Variants in CHRM1 observed in about 807,000 individuals in gnomAD.
CHRM1 encodes muscarinic acetylcholine receptor M1.
A neutral mutation model predicts 31.6 loss-of-function variants in CHRM1; 5 were observed. That is an observed-to-expected ratio of 0.16 (90% CI 0.08 to 0.33). The LOEUF (loss-of-function observed/expected upper bound fraction) is 0.33. Among genes scored for constraint, CHRM1 ranks in the 10% least tolerant of loss-of-function variants. The pLI is 1.00. For synonymous variants in CHRM1, 227 were observed against 249.7 expected, an observed-to-expected ratio of 0.91 and a Z score of 0.86; for missense variants, 338 against 610.3, an observed-to-expected ratio of 0.55 and a Z score of 4.70.
At chr11:62,916,191 C>T (rs756451411) in intron 1 of CHRM1, among the ~76,000 whole-genome samples, 1 of 152,194 alleles carries the variant, frequency 6.6e-6, no homozygotes, top group Non-Finnish European at 1.5e-5. Context: ...ACCCCAGGCA[C>T]GACCCTACTC....
intron 1 of CHRM1, among the ~76,000 whole-genome samples, chr11:62,914,379 C>T (rs561401308): frequency 6.6e-6 from 1 of 152,208 alleles, no homozygotes; most frequent in East Asian, 1.9e-4. Flanking sequence ...TTACAAAAAC[C>T]GAAGGCCAGC....
rs547016948 is a variant in CHRM1, at chr11:62,909,847, G to A, written c.1254C>T (p.Tyr418=). 2.4e-5 allele frequency: 39 copies of A among 1,614,150 alleles called. 1 individual carries two copies. Among genetic ancestry groups the A allele is most frequent in the Middle Eastern group, 1.6e-4 (1 of 6,084 alleles). Residue 418 remains tyrosine, a synonymous_variant, in exon 2 of 2, where the codon TAC becomes TAT. Transcript: ENST00000306960. ...YVNSTINPMC[Y]ALCNKAFRDT... ...CCCGGAAGGCTTTGTTGCAGAGTGCGTAGCACATGGGGTTGATGGTGCTGT... is the reference window on the plus strand; with the variant it reads ...CCCGGAAGGCTTTGTTGCAGAGTGCATAGCACATGGGGTTGATGGTGCTGT...
At chr11:62,911,510 T>C in intron 1 of CHRM1, among the ~76,000 whole-genome samples, 1 of 152,250 alleles carries the variant, frequency 6.6e-6, no homozygotes, top group East Asian at 1.9e-4. Flanking sequence ...AAACTCACTT[T>C]GTATACAGTC....
chr11:62,912,154 G>A (rs2085874483), intron 1 of CHRM1, among the ~76,000 whole-genome samples: 1 of 151,844 alleles, frequency 6.6e-6, no homozygotes, highest in Non-Finnish European at 1.5e-5. Flanking sequence ...GGATCATGAG[G>A]TCAGGAGATC....
chr11:62,910,154 T>C lies in CHRM1; in HGVS notation c.947A>G (p.Lys316Arg), dbSNP rs2085861161. The change falls in exon 2 of 2, where the codon AAG (lysine) becomes AGG (arginine). Residue 316 changes from lysine to arginine, a missense_variant. Lys to Arg is a conservative substitution (Grantham distance 26, BLOSUM62 2). Coordinates refer to ENST00000306960, the MANE Select transcript of CHRM1 (RefSeq NM_000738.3). This position sits in a 1 kb window ranked among gnomAD's most constrained non-coding sequence, Gnocchi z 8.7. ...ATTTGGGGAGCTCCGTGGGGGCTGCTTGGTGGGGGCCTGTGCCTCGGGGTC... is the reference window on the plus strand; with the variant it reads ...ATTTGGGGAGCTCCGTGGGGGCTGCCTGGTGGGGGCCTGTGCCTCGGGGTC... ...MVDPEAQAPT[K>R]QPPRSSPNTV... The C allele has an allele frequency of 6.2e-7, 1 of 1,606,220 alleles. No homozygotes were observed. Among genetic ancestry groups the C allele is most frequent in the African/African-American group, 1.3e-5 (1 of 74,696 alleles).
At chr11:62,915,871 G>A (rs2085897749) in intron 1 of CHRM1, among the ~76,000 whole-genome samples, 1 of 152,164 alleles carries the variant, frequency 6.6e-6, no homozygotes, top group Non-Finnish European at 1.5e-5. Context: ...GTGTAGTGAT[G>A]TGATTTCAGC....
intron 1 of CHRM1, among the ~76,000 whole-genome samples, chr11:62,912,769 C>T (rs2085878736): frequency 6.6e-6 from 1 of 152,226 alleles, no homozygotes; most frequent in African/African-American, 2.4e-5. Context: ...CTCAGGCATC[C>T]ATCTGACCAT....
intron 1 of CHRM1, among the ~76,000 whole-genome samples, chr11:62,913,032 C>T (rs1420354220): frequency 6.6e-6 from 1 of 152,154 alleles, no homozygotes; most frequent in Admixed American, 6.5e-5. Flanking sequence ...ACAGAATGAG[C>T]AAGGACTGTG....
intron 1 of CHRM1, among the ~76,000 whole-genome samples, chr11:62,919,496 C>A (rs775002726): frequency 1.3e-5 from 2 of 152,214 alleles, no homozygotes; most frequent in Non-Finnish European, 2.9e-5. Context: ...GGACCCTAGA[C>A]CTCACTCTGC....
chr11:62,910,229 G>T lies in CHRM1; in HGVS notation c.872C>A (p.Ser291Ter). ...DEGSMESLTSSEGEEPGSEVV... is the reference protein window; with the variant it reads ...DEGSMESLTS ...TTCGGAGCCAGGCTCCTCTCCCTCTGAGGATGTGAGGGACTCCATGGAGCC... is the reference window on the plus strand; with the variant it reads ...TTCGGAGCCAGGCTCCTCTCCCTCTTAGGATGTGAGGGACTCCATGGAGCC... Residue 291 changes from serine to a stop codon, truncating the protein, a stop_gained, in exon 2 of 2, where the codon TCA becomes TAA. Transcript: ENST00000306960. LOFTEE classifies it high-confidence loss of function. This position sits in a 1 kb window ranked among gnomAD's most constrained non-coding sequence, Gnocchi z 8.7. The T allele has an allele frequency of 6.2e-7, 1 of 1,611,174 alleles. No individual in the cohort carries two copies. Among genetic ancestry groups the T allele is most frequent in the Non-Finnish European group, 8.5e-7 (1 of 1,178,882 alleles).
chr11:62,909,510 C>A lies in CHRM1; in HGVS notation c.*208G>T, dbSNP rs1327522380. ...TCCCACCCAGCAGGGAACAGAAAAA[C>A]CAGTTCCCCGGGTTTCCCTCCCTGC... On this transcript the variant is annotated 3_prime_UTR_variant, in exon 2 of 2. Coordinates refer to ENST00000306960, the MANE Select transcript of CHRM1 (RefSeq NM_000738.3). 34 of 611,244 alleles carry A rather than the reference C, an allele frequency of 5.6e-5. No homozygotes were observed. Among genetic ancestry groups the A allele is most frequent in the Non-Finnish European group, 8.8e-5 (31 of 353,624 alleles). 37.9% of individuals were successfully genotyped at this position (611,244 alleles called of 1,614,324 possible).
intron 1 of CHRM1, among the ~76,000 whole-genome samples, 157 bp downstream of exon 1, chr11:62,921,061 C>G (rs912654200): frequency 6.6e-6 from 1 of 152,074 alleles, no homozygotes; most frequent in Non-Finnish European, 1.5e-5. Context: ...TGCTACAGAG[C>G]CCCCTTGCCC....
chr11:62,918,629 C>T (rs1294074008), intron 1 of CHRM1, among the ~76,000 whole-genome samples: 2 of 152,224 alleles, frequency 1.3e-5, no homozygotes, highest in East Asian at 1.9e-4. Flanking sequence ...CCAGGACAGA[C>T]ATGGACGTGC....
rs1250579637 is a variant in CHRM1 at position 62,909,014 on chromosome 11, G to A, written c.*704C>T. On this transcript the variant is annotated 3_prime_UTR_variant, in exon 2 of 2. Transcript: ENST00000306960. ...CAGGCACACTTGACTCCCACTCCCA[G>A]GAAAATGATATTGTAGGACAGTCAG... The A allele has an allele frequency of 1.3e-5, 2 of 152,438 alleles. No homozygotes were observed. The highest frequency in any genetic ancestry group is 6.5e-5 in the Admixed American group (1 of 15,280). The allele number at this position is 152,438 out of a possible 1,614,324, so 9.4% of individuals were successfully genotyped here.
chr11:62,916,089 C>A (rs894335182), intron 1 of CHRM1, among the ~76,000 whole-genome samples: 1 of 152,176 alleles, frequency 6.6e-6, no homozygotes, highest in Admixed American at 6.5e-5. Flanking sequence ...GGATTATAGG[C>A]ATGAGCCACA....
Position 62,909,641 on chromosome 11 carries a change from C to CT in CHRM1, c.*76dup. The stretch of plus-strand genomic sequence containing the variant: ...GTGAGGCCTGAGCAGGGCCCTGGGG[C>CT]TGAGGATGCAGCCCCTGCCCTCTTC... On this transcript the variant is annotated 3_prime_UTR_variant, in exon 2 of 2. Transcript: ENST00000306960. 3 of 1,537,208 alleles carry CT rather than the reference C, an allele frequency of 2.0e-6. No homozygotes were observed. Among genetic ancestry groups the CT allele is most frequent in the Non-Finnish European group, 2.6e-6 (3 of 1,135,948 alleles).
In CHRM1 at chr11:62,909,822, C is replaced by T; in HGVS notation, c.1279G>A (p.Asp427Asn). 6.2e-7 allele frequency: 1 copy of T among 1,614,270 alleles called. No individual in the cohort carries two copies. The highest frequency in any genetic ancestry group is 8.5e-7 in the Non-Finnish European group (1 of 1,180,048). The part of the protein sequence containing the change: ...CYALCNKAFR[D>N]TFRLLLLCRW... ...CAAAGCAGCAGCAGGCGAAAGGTGT[C>T]CCGGAAGGCTTTGTTGCAGAGTGCG... The change falls in exon 2 of 2, where the codon GAC becomes AAC. Residue 427 changes from aspartate to asparagine, a missense_variant. Asp to Asn is a conservative substitution (Grantham distance 23). This residue lies in a region of CHRM1 where 68 missense variants were observed against 108.5 expected (regional missense o/e 0.63). Transcript: ENST00000306960.
chr11:62,914,055 C>T (rs1221370430), intron 1 of CHRM1, among the ~76,000 whole-genome samples: 1 of 152,062 alleles, frequency 6.6e-6, no homozygotes, highest in African/African-American at 2.4e-5. Context: ...CATTCTCCTG[C>T]CTCAGCCTCC....
In CHRM1 at chr11:62,911,014, C is replaced by T; in HGVS notation, c.87G>A (p.Gly29=). The T allele has an allele frequency of 6.2e-7, 1 of 1,614,160 alleles. No individual in the cohort carries two copies. Among genetic ancestry groups the T allele is most frequent in the Non-Finnish European group, 8.5e-7 (1 of 1,180,032 alleles). The part of the protein sequence containing the change: ...GKGPWQVAFI[G]ITTGLLSLAT... ...CTAGCGACAGGAGGCCCGTGGTGAT[C>T]CCAATGAAGGCCACTTGCCAGGGAC... The change falls in exon 2 of 2, where the codon GGG becomes GGA. Residue 29 remains glycine, a synonymous_variant. Coordinates refer to ENST00000306960, the MANE Select transcript of CHRM1 (RefSeq NM_000738.3).
Sources: gnomAD v4.1 joint callset for allele counts (sites outside exome capture counted in the v4.1 genomes callset) on GRCh38, gnomAD v4.1.1 for gene constraint, gnomAD v4.1.1 regional missense constraint, Gnocchi (gnomAD v3.1) non-coding constraint, MANE v1.5 for transcripts, NCBI Gene and HGNC (gene_info 2026-07-23, HGNC 2026-07-21) for gene names.